DOCK10: variants seen among roughly 807,000 people sequenced by gnomAD.
The protein encoded by DOCK10 is dedicator of cytokinesis 10, also known as dedicator of cytokinesis protein 10.
Under a neutral mutation model 280.1 loss-of-function variants are expected in DOCK10, and 145 were observed. The ratio of observed to expected loss-of-function variants is 0.52; its 90% CI spans 0.45 to 0.59. The LOEUF is 0.59. Ranked by LOEUF, DOCK10 falls within the 20% of genes least tolerant of loss-of-function variation. The pLI is 0.00. For synonymous variants in DOCK10, 915 were observed against 942.2 expected, an observed-to-expected ratio of 0.97 and a Z score of 0.53; for missense variants, 2,368 against 2,651.7, an observed-to-expected ratio of 0.89 and a Z score of 2.35.
At chr2:224,837,024 G>GA (rs111617984) in intron 25 of DOCK10, among the ~76,000 whole-genome samples, 205 of 151,678 alleles carry the variant, frequency 1.4e-3, no homozygotes, top group African/African-American at 4.4e-3. Context: ...CTATGCATAG[G>GA]AAAAAAAATA....
At chr2:224,824,581 C>A (rs979750622) in intron 27 of DOCK10, among the ~76,000 whole-genome samples, 1 of 151,608 alleles carries the variant, frequency 6.6e-6, no homozygotes, top group African/African-American at 2.4e-5. Flanking sequence ...GGACTACAGG[C>A]GCCCTCCTGT....
chr2:224,864,223 G>A (rs904699672), intron 13 of DOCK10, among the ~76,000 whole-genome samples: 1 of 152,172 alleles, frequency 6.6e-6, no homozygotes, highest in African/African-American at 2.4e-5. Context: ...AGCAAATGAA[G>A]TTGGCTGGGC....
intron 3 of DOCK10, among the ~76,000 whole-genome samples, chr2:224,904,928 C>T (rs1177589812): frequency 2.0e-5 from 3 of 152,116 alleles, no homozygotes; most frequent in Non-Finnish European, 4.4e-5. Context: ...ATATTTCTTT[C>T]AGTTAAAAAT....
chr2:224,868,948 A>G (rs955572646), intron 11 of DOCK10, among the ~76,000 whole-genome samples: 1 of 152,200 alleles, frequency 6.6e-6, no homozygotes, highest in Non-Finnish European at 1.5e-5. Flanking sequence ...TACTTTGTGA[A>G]TGGAAATAAA....
At chr2:225,040,236 A>G (rs1690382548) in intron 1 of DOCK10, among the ~76,000 whole-genome samples, 1 of 152,152 alleles carries the variant, frequency 6.6e-6, no homozygotes, top group South Asian at 2.1e-4. Context: ...TTTCCCTTCA[A>G]GAGTTAACTG....
intron 11 of DOCK10, among the ~76,000 whole-genome samples, chr2:224,868,794 T>C (rs527878527): frequency 2.6e-5 from 4 of 152,168 alleles, no homozygotes; most frequent in Non-Finnish European, 5.9e-5. Flanking sequence ...AGAAAAACTC[T>C]TGTTTTGTGG....
At chr2:224,890,483 T>C (rs1699594186) in intron 4 of DOCK10, among the ~76,000 whole-genome samples, 1 of 152,092 alleles carries the variant, frequency 6.6e-6, no homozygotes, top group African/African-American at 2.4e-5. Context: ...ACTATAAATT[T>C]CACAAAAAAG....
At chr2:224,999,652 G>T (rs1706373174) in intron 1 of DOCK10, among the ~76,000 whole-genome samples, 1 of 150,460 alleles carries the variant, frequency 6.6e-6, no homozygotes, top group African/African-American at 2.4e-5. Context: ...ATATTTTGGT[G>T]CAAATCTCAA....
Position 224,874,072 on chromosome 2 carries a change from AT to A in DOCK10, c.1180del (p.Ile394SerfsTer2). The A allele has an allele frequency of 6.2e-7, 1 of 1,613,430 alleles. No homozygotes were observed. The highest frequency in any genetic ancestry group is 8.5e-7 in the Non-Finnish European group (1 of 1,179,668). On this transcript the variant is annotated frameshift_variant, in exon 11 of 56. Transcript: ENST00000258390. LOFTEE classifies it high-confidence loss of function. ...GTTGAGGGCTTTACAGATGATCATG[AT>A]TCTCTTGGCAGCTTTTTCTTCAAAT... ...KPFEEKAAKR[I>X]MIICKALNSN...
At chr2:224,776,107 A>C (rs965937948) in intron 51 of DOCK10, among the ~76,000 whole-genome samples, 3 of 151,886 alleles carry the variant, frequency 2.0e-5, no homozygotes, top group African/African-American at 7.3e-5. Context: ...AGGAAATTGC[A>C]CTTGCTCTCC....
chr2:224,911,684 A>T (rs1701020529), intron 3 of DOCK10, among the ~76,000 whole-genome samples: 1 of 152,180 alleles, frequency 6.6e-6, no homozygotes, highest in African/African-American at 2.4e-5. Context: ...CTTGGGTTCT[A>T]GAGACTCAGA....
chr2:224,821,736 C>A (rs1463970339), intron 28 of DOCK10, among the ~76,000 whole-genome samples: 4 of 152,178 alleles, frequency 2.6e-5, no homozygotes, highest in African/African-American at 9.6e-5. Flanking sequence ...ATTTTATTTG[C>A]AAACTGAACT....
intron 1 of DOCK10, among the ~76,000 whole-genome samples, chr2:224,989,397 A>T (rs1034120788): frequency 6.6e-6 from 1 of 152,226 alleles, no homozygotes; most frequent in Non-Finnish European, 1.5e-5. Context: ...GGAATGAATG[A>T]ATCAACAGAT....
At chr2:224,785,541 C>T (rs190428376) in intron 50 of DOCK10, among the ~76,000 whole-genome samples, 4 of 152,230 alleles carry the variant, frequency 2.6e-5, no homozygotes, top group East Asian at 3.9e-4. Flanking sequence ...AGTGCAGTGG[C>T]GCGATCTCGG....
chr2:224,787,427 T>C (rs1434121588), intron 48 of DOCK10, 30 bp from the exon 49 acceptor site: 2 of 1,613,076 alleles, frequency 1.2e-6, no homozygotes, highest in Admixed American at 3.3e-5. Flanking sequence ...AATAAGATTT[T>C]ACATGATTAG....
intron 1 of DOCK10, among the ~76,000 whole-genome samples, chr2:225,041,758 C>G (rs112046082): frequency 1.3e-3 from 196 of 152,166 alleles, no homozygotes; most frequent in African/African-American, 4.4e-3. Context: ...CGTCGGGGGG[C>G]CCCAGCTCTA....
intron 1 of DOCK10, among the ~76,000 whole-genome samples, chr2:225,041,633 C>G (rs951753889): frequency 6.6e-6 from 1 of 152,224 alleles, no homozygotes; most frequent in Non-Finnish European, 1.5e-5. Flanking sequence ...TAATGACCCA[C>G]GTCTCCTCCA....
intron 1 of DOCK10, among the ~76,000 whole-genome samples, chr2:225,037,054 T>A (rs367427): frequency 0.79 from 120,057 of 152,108 alleles, 47,545 homozygotes; most frequent in Middle Eastern, 0.88. Flanking sequence ...AGTTAAATGG[T>A]AATACATACT....
intron 27 of DOCK10, 68 bp downstream of exon 27, chr2:224,830,473 T>C: frequency 1.2e-6 from 1 of 836,702 alleles, no homozygotes; most frequent in Non-Finnish European, 1.7e-6. Flanking sequence ...CATGACAGCA[T>C]AATCATTAGT....
Sources: gnomAD v4.1 joint callset for allele counts (sites outside exome capture counted in the v4.1 genomes callset) on GRCh38, gnomAD v4.1.1 for gene constraint, MANE v1.5 for transcripts, NCBI Gene and HGNC (gene_info 2026-07-23, HGNC 2026-07-21) for gene names.